Variants in EDIL3 observed in about 807,000 individuals in gnomAD.
EDIL3 encodes EGF like and discoidin domains 3, also known as EGF-like repeat and discoidin I-like domain-containing protein 3.
In EDIL3, 37 loss-of-function variants were observed where a neutral mutation model predicts 67.4. The observed-to-expected ratio is 0.55, with a 90% CI of 0.42 to 0.72. The LOEUF (loss-of-function observed/expected upper bound fraction) is 0.72, where lower values mean the gene tolerates loss of function less well. EDIL3 is among the 30% of genes least tolerant of loss of function. EDIL3 has a pLI of 0.00. For synonymous variants in EDIL3, 195 were observed against 196.3 expected, an observed-to-expected ratio of 0.99 and a Z score of 0.05; for missense variants, 527 against 586.3, an observed-to-expected ratio of 0.90 and a Z score of 1.04.
At chr5:84,364,015 C>A (rs16901059) in intron 1 of EDIL3, among the ~76,000 whole-genome samples, 13,444 of 152,080 alleles carry the variant, frequency 0.088, 768 homozygotes, top group South Asian at 0.21. Flanking sequence ...CAAGCGTTTT[C>A]ATGACATCTT....
chr5:84,331,150 G>T (rs1379270882), intron 1 of EDIL3, among the ~76,000 whole-genome samples: 2 of 152,156 alleles, frequency 1.3e-5, no homozygotes, highest in African/African-American at 4.8e-5. Context: ...ACTTGCTTTT[G>T]ATTTTACAGG....
At chr5:84,242,017 G>A (rs982218429) in intron 2 of EDIL3, among the ~76,000 whole-genome samples, 16 of 145,398 alleles carry the variant, frequency 1.1e-4, no homozygotes, top group African/African-American at 4.1e-4. Flanking sequence ...TCAGGAGATC[G>A]AGACCATCCT....
chr5:84,164,208 G>T (rs552964547), intron 4 of EDIL3, among the ~76,000 whole-genome samples: 24 of 151,986 alleles, frequency 1.6e-4, no homozygotes, highest in African/African-American at 3.9e-4. Flanking sequence ...ATAAAAATAG[G>T]TATCCTAAAT....
intron 4 of EDIL3, among the ~76,000 whole-genome samples, chr5:84,147,363 G>T (rs1748306511): frequency 6.6e-6 from 1 of 152,032 alleles, no homozygotes; most frequent in Admixed American, 6.6e-5. Flanking sequence ...CAGGGAACAT[G>T]CATGTACATA....
At chr5:83,950,750 C>A (rs1357404046) in intron 10 of EDIL3, among the ~76,000 whole-genome samples, 1 of 151,766 alleles carries the variant, frequency 6.6e-6, no homozygotes, top group Non-Finnish European at 1.5e-5. Context: ...TTGCATATTT[C>A]AGTAACAAAA....
At chr5:84,090,834 G>C (rs1268439149) in intron 6 of EDIL3, among the ~76,000 whole-genome samples, 1 of 151,886 alleles carries the variant, frequency 6.6e-6, no homozygotes, top group African/African-American at 2.4e-5. Context: ...TGTAGTCCCA[G>C]CTACTTGGGA....
At chr5:84,050,655 C>G (rs1394856768) in intron 9 of EDIL3, among the ~76,000 whole-genome samples, 1 of 152,214 alleles carries the variant, frequency 6.6e-6, no homozygotes. Flanking sequence ...AACGGCACAC[C>G]AGGAGATTAT....
chr5:84,189,801 G>T (rs1414203201), intron 3 of EDIL3, among the ~76,000 whole-genome samples: 1 of 151,776 alleles, frequency 6.6e-6, no homozygotes, highest in African/African-American at 2.4e-5. Context: ...GCATCTTTTA[G>T]TTGGCCAATA....
intron 1 of EDIL3, among the ~76,000 whole-genome samples, chr5:84,340,571 T>C (rs963215792): frequency 7.3e-6 from 1 of 136,816 alleles, no homozygotes; most frequent in Non-Finnish European, 1.6e-5. Context: ...TATATATATA[T>C]GTTAGTCTAC....
Position 84,371,450 on chromosome 5 carries a change from TAGAG to T in EDIL3, c.67+12854_67+12857del, listed in dbSNP as rs142715442. On this transcript the variant is annotated intron_variant, in intron 1 of 10. Transcript: ENST00000296591. Reference sequence around the variant, plus strand: ...ATGTGTGTGTATATATATATATATATAGAGAGAGAGAGAGAGAGAGAGAGAGAAA... The same window carrying T: ...ATGTGTGTGTATATATATATATATATAGAGAGAGAGAGAGAGAGAGAGAAA... 8.9e-3 allele frequency among the ~76,000 whole-genome samples: 921 copies of T among 103,936 alleles called. 3 individuals are homozygous for T. Among genetic ancestry groups the T allele is most frequent in the African/African-American group, 0.02 (588 of 30,128 alleles). 68.2% of individuals were successfully genotyped at this position (103,936 alleles called of 152,430 possible).
At chr5:84,262,669 T>A (rs1031761841) in intron 1 of EDIL3, among the ~76,000 whole-genome samples, 1 of 107,554 alleles carries the variant, frequency 9.3e-6, no homozygotes, top group Admixed American at 1.0e-4. Context: ...GTTTTTTTTT[T>A]TTTTTTTTTT....
At chr5:84,261,296 G>A (rs1319642222) in intron 1 of EDIL3, among the ~76,000 whole-genome samples, 3 of 152,110 alleles carry the variant, frequency 2.0e-5, no homozygotes, top group Non-Finnish European at 4.4e-5. Flanking sequence ...AAATTGTGTG[G>A]AACAAAATAA....
intron 2 of EDIL3, among the ~76,000 whole-genome samples, chr5:84,237,915 C>CA (rs1438796201): frequency 1.3e-5 from 2 of 152,078 alleles, no homozygotes; most frequent in African/African-American, 4.8e-5. Context: ...TCCAATAGCA[C>CA]AAAACACAGA....
At chr5:84,098,061 T>A (rs1747296184) in intron 6 of EDIL3, among the ~76,000 whole-genome samples, 1 of 147,542 alleles carries the variant, frequency 6.8e-6, no homozygotes. Flanking sequence ...TTGGAAAAAA[T>A]CTACATAAAG....
At chr5:84,213,897 T>C (rs988815782) in intron 3 of EDIL3, among the ~76,000 whole-genome samples, 2 of 152,102 alleles carry the variant, frequency 1.3e-5, no homozygotes, top group African/African-American at 2.4e-5. Flanking sequence ...AATAATGAGG[T>C]AGTTATTGCA....
intron 1 of EDIL3, among the ~76,000 whole-genome samples, chr5:84,324,161 C>G (rs534263534): frequency 6.6e-6 from 1 of 151,900 alleles, no homozygotes; most frequent in African/African-American, 2.4e-5. Context: ...AGACCATATG[C>G]TAAGACAAAA....
chr5:84,358,402 T>C (rs1025451791), intron 1 of EDIL3, among the ~76,000 whole-genome samples: 29 of 152,128 alleles, frequency 1.9e-4, no homozygotes, highest in African/African-American at 7.0e-4. Context: ...TTGCTATTGC[T>C]TTCATATATT....
intron 5 of EDIL3, among the ~76,000 whole-genome samples, chr5:84,124,103 T>C (rs951610079): frequency 2.0e-5 from 3 of 151,926 alleles, no homozygotes; most frequent in African/African-American, 7.2e-5. Flanking sequence ...ACTTATCAAA[T>C]GCCCAACTTA....
chr5:84,287,101 T>C (rs1745821335), intron 1 of EDIL3, among the ~76,000 whole-genome samples: 1 of 152,108 alleles, frequency 6.6e-6, no homozygotes, highest in South Asian at 2.1e-4. Flanking sequence ...ATGCAGAGAC[T>C]CTGGGTTGGT....
Sources: allele counts gnomAD v4.1 joint callset (sites outside exome capture counted in the v4.1 genomes callset), GRCh38; gene constraint gnomAD v4.1.1; transcripts MANE v1.5; gene names NCBI Gene and HGNC (gene_info 2026-07-23, HGNC 2026-07-21).